The following TSPAN5 variants were observed in gnomAD, a reference collection of about 807,000 sequenced individuals.
TSPAN5 encodes the protein tetraspanin 5.
Under a neutral mutation model 37.1 loss-of-function variants are expected in TSPAN5, and 10 were observed. The ratio of observed to expected loss-of-function variants is 0.27; its 90% confidence interval spans 0.17 to 0.46. The LOEUF is 0.46. TSPAN5 is among the 20% of genes least tolerant of loss of function. The pLI is 1.00. For synonymous variants in TSPAN5, 110 were observed against 118.9 expected (o/e 0.93, Z 0.48); for missense variants, 195 against 326.6 (o/e 0.60, Z 3.11).
At chr4:98,565,150 A>G (rs1300378238) in intron 1 of TSPAN5, among the ~76,000 whole-genome samples, 1 of 152,194 alleles carries the variant, frequency 6.6e-6, no homozygotes, top group East Asian at 1.9e-4. Flanking sequence ...TGTGACTGCT[A>G]TGAACAAGGG....
chr4:98,591,217 C>T (rs534686870), intron 1 of TSPAN5, among the ~76,000 whole-genome samples: 4 of 148,572 alleles, frequency 2.7e-5, no homozygotes, highest in Non-Finnish European at 3.0e-5. Flanking sequence ...CAGGCCAATA[C>T]GCAAAATTCA....
chr4:98,477,449 C>T (rs1355905257), intron 5 of TSPAN5, among the ~76,000 whole-genome samples: 1 of 152,186 alleles, frequency 6.6e-6, no homozygotes, highest in Non-Finnish European at 1.5e-5. Context: ...AAGAGCCCCA[C>T]AGCCTCCACC....
intron 1 of TSPAN5, among the ~76,000 whole-genome samples, chr4:98,531,066 T>G (rs1021658018): frequency 6.6e-6 from 1 of 152,190 alleles, no homozygotes; most frequent in Admixed American, 6.5e-5. Flanking sequence ...TTCTCTATTT[T>G]TATTTATTCT....
chr4:98,508,249 C>G (rs778876904), intron 1 of TSPAN5, among the ~76,000 whole-genome samples: 2 of 152,184 alleles, frequency 1.3e-5, no homozygotes, highest in Non-Finnish European at 2.9e-5. Context: ...AAAGAAAATT[C>G]CTAAGTTCTG....
intron 1 of TSPAN5, among the ~76,000 whole-genome samples, chr4:98,581,795 T>C (rs1278690113): frequency 6.6e-6 from 1 of 152,160 alleles, no homozygotes; most frequent in Non-Finnish European, 1.5e-5. Context: ...GTAATTTGCT[T>C]ATAGATGTAA....
intron 1 of TSPAN5, among the ~76,000 whole-genome samples, chr4:98,537,630 T>G (rs895180253): frequency 6.6e-6 from 1 of 152,214 alleles, no homozygotes; most frequent in Non-Finnish European, 1.5e-5. Flanking sequence ...ATCTTTCTGC[T>G]GGCAAATCCC....
At chr4:98,570,482 T>C (rs1755094832) in intron 1 of TSPAN5, among the ~76,000 whole-genome samples, 1 of 152,146 alleles carries the variant, frequency 6.6e-6, no homozygotes, top group Admixed American at 6.5e-5. Context: ...TTCCATTGAC[T>C]GAAAATTTAA....
At chr4:98,478,271 C>T (rs1455609794) in intron 5 of TSPAN5, among the ~76,000 whole-genome samples, 2 of 152,186 alleles carry the variant, frequency 1.3e-5, no homozygotes, top group African/African-American at 4.8e-5. Context: ...TATGAGCCTG[C>T]CCTTCTCATG....
chr4:98,509,498 A>G (rs115584295), intron 1 of TSPAN5, among the ~76,000 whole-genome samples: 5 of 152,202 alleles, frequency 3.3e-5, no homozygotes, highest in Non-Finnish European at 5.9e-5. Flanking sequence ...CTCATCTGAC[A>G]TTGAAGCAAG....
chr4:98,507,549 C>T, intron 2 of TSPAN5, 129 bp downstream of exon 2: 2 of 588,694 alleles, frequency 3.4e-6, no homozygotes, highest in Admixed American at 3.8e-5. Context: ...AATCTTCCAC[C>T]AACACTTTTT....
chr4:98,644,211 G>A (rs771203323), intron 1 of TSPAN5, among the ~76,000 whole-genome samples: 26 of 152,074 alleles, frequency 1.7e-4, no homozygotes, highest in Non-Finnish European at 3.4e-4. Context: ...TTGTCCTAAG[G>A]GGGAAAGGCC....
At chr4:98,500,870 G>C (rs377461405) in intron 2 of TSPAN5, among the ~76,000 whole-genome samples, 1 of 152,302 alleles carries the variant, frequency 6.6e-6, no homozygotes, top group African/African-American at 2.4e-5. Context: ...CAAGCCAGGA[G>C]TAGGTATCCA....
At chr4:98,544,584 G>A (rs181603396) in intron 1 of TSPAN5, among the ~76,000 whole-genome samples, 506 of 152,346 alleles carry the variant, frequency 3.3e-3, no homozygotes, top group Non-Finnish European at 4.9e-3. Context: ...AGACTGCTGA[G>A]GAGGTGGGGT....
intron 1 of TSPAN5, among the ~76,000 whole-genome samples, chr4:98,655,644 A>G (rs1294065427): frequency 6.6e-6 from 1 of 152,224 alleles, no homozygotes; most frequent in East Asian, 1.9e-4. Context: ...TCATAATTGT[A>G]TGGGAGTAGC....
rs577967124 is a variant in TSPAN5, at chr4:98,599,422, A to C, written c.81+58724T>G. ...ACAAATGTCTTTACTTTTTAAAAGA[A>C]ACTTTTTAAAAAAATTCAACTTTGA... On this transcript the variant is annotated intron_variant, in intron 1 of 7. Transcript: ENST00000305798. Among the ~76,000 whole-genome samples the C allele has an allele frequency of 2.6e-3, 396 of 152,344 alleles. 3 individuals are homozygous for C. The highest frequency in any genetic ancestry group is 9.3e-3 in the African/African-American group (388 of 41,584).
At chr4:98,509,202 T>C (rs1485766318) in intron 1 of TSPAN5, among the ~76,000 whole-genome samples, 1 of 152,176 alleles carries the variant, frequency 6.6e-6, no homozygotes, top group African/African-American at 2.4e-5. Context: ...CTTGATTAAG[T>C]TAATGTGAGG....
In TSPAN5 at chr4:98,629,198, C is replaced by G. The variant is rs149953397; in HGVS notation, c.81+28948G>C. On this transcript the variant is annotated intron_variant, in intron 1 of 7. Transcript: ENST00000305798. The stretch of plus-strand genomic sequence containing the variant: ...TGGATAATTTGTCTATGAACTATTT[C>G]ACAGTCTTTGAGTTGTACTGTGTAT... Among the ~76,000 whole-genome samples, 675 of 152,336 alleles carry G rather than the reference C, an allele frequency of 4.4e-3. 9 individuals are homozygous for G. Among genetic ancestry groups the G allele is most frequent in the African/African-American group, 0.015 (633 of 41,578 alleles).
In TSPAN5 at chr4:98,478,665, G is replaced by T. The variant is rs749191744; in HGVS notation, c.576+20C>A. The T allele has an allele frequency of 1.2e-6, 2 of 1,614,122 alleles. No homozygotes were observed. Among genetic ancestry groups the T allele is most frequent in the South Asian group, 1.1e-5 (1 of 91,082 alleles). On this transcript the variant is annotated intron_variant, in intron 5 of 7. Coordinates refer to ENST00000305798, the MANE Select transcript of TSPAN5 (RefSeq NM_005723.4). The stretch of plus-strand genomic sequence containing the variant: ...GCATGATGTACAGAGTAGGCCAATA[G>T]TTCGCTGGCATTCACTTACTGCGGG...
intron 1 of TSPAN5, among the ~76,000 whole-genome samples, chr4:98,553,704 C>T (rs1484790342): frequency 6.6e-6 from 1 of 152,112 alleles, no homozygotes; most frequent in African/African-American, 2.4e-5. Context: ...CAACCACCAG[C>T]TTGGGCAAGA....
Sources: allele counts gnomAD v4.1 joint callset (sites outside exome capture counted in the v4.1 genomes callset), GRCh38; gene constraint gnomAD v4.1.1; transcripts MANE v1.5; gene names NCBI Gene and HGNC (gene_info 2026-07-23, HGNC 2026-07-21).